Variants in L3HYPDH observed in about 807,000 individuals in gnomAD.
L3HYPDH encodes trans-L-3-hydroxyproline dehydratase.
A neutral mutation model predicts 26.5 loss-of-function variants in L3HYPDH; 32 were observed. The observed-to-expected ratio is 1.21, with a 90% CI of 0.91 to 1.62. L3HYPDH has a LOEUF of 1.62. Ranked by LOEUF, L3HYPDH falls within the 40% of genes most tolerant of loss-of-function variation. The pLI is 0.00. For missense variants in L3HYPDH, 554 were observed against 476.4 expected (o/e 1.16, Z -1.52); for synonymous variants, 215 against 196.6 (o/e 1.09, Z -0.78).
upstream of L3HYPDH, among the ~76,000 whole-genome samples, chr14:59,488,083 C>G (rs533811848): frequency 5.9e-5 from 9 of 151,942 alleles, no homozygotes; most frequent in South Asian, 1.9e-3. Context: ...AACTATAATC[C>G]TTATTGGTTT....
upstream of L3HYPDH, chr14:59,487,903 A>G (rs1890702108): frequency 8.5e-6 from 11 of 1,295,290 alleles, no homozygotes; most frequent in Non-Finnish European, 1.1e-5. Flanking sequence ...CTTATTAAGT[A>G]ATTATGCTTC....
the L3HYPDH span, chr14:59,501,394 C>T: frequency 4.1e-4 from 250 of 603,820 alleles, 1 homozygote; most frequent in African/African-American, 3.9e-3. Flanking sequence ...ATTGATGCCA[C>T]TTGGTAGCTT....
chr14:59,482,078 G>A (rs1021459482), intron 1 of L3HYPDH, among the ~76,000 whole-genome samples: 4 of 152,140 alleles, frequency 2.6e-5, no homozygotes, highest in African/African-American at 4.8e-5. Context: ...TACTCTTCTA[G>A]GCACTTAGAA....
chr14:59,476,236 C>CAACT (rs33944110), intron 2 of L3HYPDH, 22 bp from the exon 3 acceptor site: 459 of 1,402,284 alleles, frequency 3.3e-4, no homozygotes, highest in Non-Finnish European at 4.2e-4. Context: ...AAAAAAAGAT[C>CAACT]ACATGCAAAA....
chr14:59,503,972 C>T, the L3HYPDH span: 1 of 1,613,540 alleles, frequency 6.2e-7, no homozygotes, highest in Non-Finnish European at 8.5e-7. Flanking sequence ...CAAGATTTGC[C>T]CCTTTTGGCT....
the L3HYPDH span, among the ~76,000 whole-genome samples, chr14:59,493,819 T>G: frequency 2.0e-5 from 3 of 152,182 alleles, no homozygotes; most frequent in Admixed American, 1.3e-4. Flanking sequence ...TCAAGGATTA[T>G]GATCATATTA....
upstream of L3HYPDH, among the ~76,000 whole-genome samples, chr14:59,486,384 T>C (rs943157494): frequency 8.5e-5 from 13 of 152,200 alleles, no homozygotes; most frequent in African/African-American, 3.1e-4. Flanking sequence ...TAAAAATATA[T>C]GTATATTTGA....
At chr14:59,468,072 T>C (rs1211407392), downstream of L3HYPDH, among the ~76,000 whole-genome samples, 1 of 152,162 alleles carries the variant, frequency 6.6e-6, no homozygotes, top group Non-Finnish European at 1.5e-5. Flanking sequence ...AAAAAAATTC[T>C]TCATGCCACT....
chr14:59,488,651 CATGTGAACTTTAATCTGCTGGGA>C (rs1890763044), upstream of L3HYPDH, among the ~76,000 whole-genome samples: 1 of 152,120 alleles, frequency 6.6e-6, no homozygotes, highest in Non-Finnish European at 1.5e-5. Context: ...TCTTGATAAG[CATGTGAACTTTAATCTGCTGGGA>C]ATGGGAAGTC....
At chr14:59,480,343 C>G (rs934323225) in intron 1 of L3HYPDH, among the ~76,000 whole-genome samples, 4 of 152,260 alleles carry the variant, frequency 2.6e-5, no homozygotes, top group South Asian at 2.1e-4. Flanking sequence ...AGTGAAGAAA[C>G]AGAGGATGGG....
At chr14:59,469,749 A>T (rs1361953378), downstream of L3HYPDH, among the ~76,000 whole-genome samples, 1 of 152,054 alleles carries the variant, frequency 6.6e-6, no homozygotes, top group Non-Finnish European at 1.5e-5. Context: ...CAAGTTAGGA[A>T]ATATGGGAAG....
the L3HYPDH span, among the ~76,000 whole-genome samples, chr14:59,489,425 A>G: frequency 6.6e-6 from 1 of 152,212 alleles, no homozygotes; most frequent in Non-Finnish European, 1.5e-5. Flanking sequence ...ACAGTTCCTG[A>G]TAACTTCCTT....
intron 1 of L3HYPDH, 88 bp downstream of exon 1, chr14:59,483,721 C>T: frequency 1.3e-6 from 2 of 1,521,846 alleles, no homozygotes; most frequent in Admixed American, 2.1e-5. Flanking sequence ...GGTTAGTTGC[C>T]AGAGTTCCAG....
At chr14:59,482,103 AAG>A (rs1286044404) in intron 1 of L3HYPDH, among the ~76,000 whole-genome samples, 2 of 152,182 alleles carry the variant, frequency 1.3e-5, no homozygotes, top group Non-Finnish European at 2.9e-5. Flanking sequence ...GTGAACAAGA[AAG>A]AGTTTGCATT....
In L3HYPDH at chr14:59,472,990, A is replaced by C. The variant is rs780336099; in HGVS notation, c.1040T>G (p.Leu347Trp). The C allele has an allele frequency of 1.9e-6, 3 of 1,605,116 alleles. No individual in the cohort carries two copies. The highest frequency in any genetic ancestry group is 2.5e-6 in the Non-Finnish European group (3 of 1,176,860). Residue 347 changes from leucine to tryptophan, a missense_variant, in exon 5 of 5, where the codon TTG (leucine) becomes TGG (tryptophan). Transcript: ENST00000247194. The part of the protein sequence containing the change: ...ASFIIEDDDP[L>W]RDGFLLK ...TCACTTGAGAAGAAATCCATCCCTC[A>C]ATGGGTCGTCATCTTCTATTATAAA...
chr14:59,505,079 G>C, the L3HYPDH span: 3 of 425,642 alleles, frequency 7.0e-6, no homozygotes, highest in Non-Finnish European at 1.3e-5. Context: ...CATTTTTATT[G>C]TTTAGAAGTT....
In L3HYPDH at chr14:59,484,354, A is replaced by T; in HGVS notation, c.-38T>A. On this transcript the variant is annotated 5_prime_UTR_variant, in exon 1 of 5. Transcript: ENST00000247194. ...GGGAGACGAGTACGGTCCCGCAGCTATGGCTTCAAGCCCGACCCTCACCCA... is the reference window on the plus strand; with the variant it reads ...GGGAGACGAGTACGGTCCCGCAGCTTTGGCTTCAAGCCCGACCCTCACCCA... 1.3e-6 allele frequency: 2 copies of T among 1,547,324 alleles called. No individual in the cohort carries two copies. The highest frequency in any genetic ancestry group is 4.5e-5 in the East Asian group (2 of 44,378).
upstream of L3HYPDH, chr14:59,487,834 C>T (rs1349932666): frequency 1.2e-6 from 2 of 1,612,248 alleles, no homozygotes; most frequent in East Asian, 4.5e-5. Flanking sequence ...AAGAGGTTAG[C>T]ACATTTCTAT....
chr14:59,473,367 A>G (rs151047236), intron 4 of L3HYPDH, among the ~76,000 whole-genome samples: 4 of 152,292 alleles, frequency 2.6e-5, no homozygotes, highest in African/African-American at 7.2e-5. Context: ...CAGAGTCACT[A>G]TGGGAGTTTT....
Sources: gnomAD v4.1 joint callset for allele counts (sites outside exome capture counted in the v4.1 genomes callset) on GRCh38, gnomAD v4.1.1 for gene constraint, MANE v1.5 for transcripts, NCBI Gene and HGNC (gene_info 2026-07-23, HGNC 2026-07-21) for gene names.